Variants in USP15 observed in about 807,000 individuals in gnomAD.
USP15 encodes the protein ubiquitin specific peptidase 15.
In USP15, 18 loss-of-function variants were observed where a neutral mutation model predicts 127.1. That is an observed-to-expected ratio of 0.14 (90% CI 0.10 to 0.21). The LOEUF (loss-of-function observed/expected upper bound fraction) is 0.21. USP15 is among the 10% of genes least tolerant of loss of function. The probability of loss-of-function intolerance (pLI) is 1.00; values close to 1 mark genes in which losing one functional copy is unlikely to be tolerated. For synonymous variants in USP15, 364 were observed against 393.7 expected (o/e 0.92, Z 0.89); for missense variants, 805 against 1,159.9 (o/e 0.69, Z 4.44).
chr12:62,325,228 T>G lies in USP15; in HGVS notation c.622-644T>G, dbSNP rs144416849. Among the ~76,000 whole-genome samples, 17 of 152,162 alleles carry G rather than the reference T, an allele frequency of 1.1e-4. No individual in the cohort carries two copies. In the East Asian group the frequency reaches 3.1e-3, roughly 28 times the overall value. On this transcript the variant is annotated intron_variant, in intron 5 of 21. Transcript: ENST00000280377. ...CTCTCCCTAAGCCTATACTTTTTATTTATTAGAGGTGATTTCTGTCTGCCT... is the reference window on the plus strand; with the variant it reads ...CTCTCCCTAAGCCTATACTTTTTATGTATTAGAGGTGATTTCTGTCTGCCT...
chr12:62,395,899 A>G (rs962478836), intron 19 of USP15, among the ~76,000 whole-genome samples: 1 of 151,964 alleles, frequency 6.6e-6, no homozygotes, highest in Admixed American at 6.6e-5. Context: ...TTATCTGTTG[A>G]TAGACACTTA....
At chr12:62,342,628 T>TG (rs1244955565) in intron 6 of USP15, among the ~76,000 whole-genome samples, 1 of 152,102 alleles carries the variant, frequency 6.6e-6, no homozygotes, top group Non-Finnish European at 1.5e-5. Context: ...GCTTTCTGCT[T>TG]GTTTGTTTTT....
chr12:62,274,107 T>A (rs1251977495), intron 1 of USP15: 1 of 152,116 alleles, frequency 6.6e-6, no homozygotes, highest in African/African-American at 2.4e-5. Context: ...CTTTAGAGTC[T>A]GAAAACTAGA....
At chr12:62,363,178 A>G (rs547031490) in intron 8 of USP15, among the ~76,000 whole-genome samples, 2 of 152,226 alleles carry the variant, frequency 1.3e-5, no homozygotes, top group East Asian at 3.9e-4. Flanking sequence ...CTTTGCTTCT[A>G]TCCTTACCCT....
In USP15 at chr12:62,405,171, T is replaced by G. The variant is rs2067826886; in HGVS notation, c.*796T>G. The G allele has an allele frequency of 6.6e-6, 1 of 152,134 alleles. No homozygotes were observed. The highest frequency in any genetic ancestry group is 6.6e-5 in the Admixed American group (1 of 15,262). 9.4% of individuals were successfully genotyped at this position (152,134 alleles called of 1,614,324 possible). A position where few individuals can be genotyped will look rare whatever the true frequency, so the allele number is the denominator to read the frequency against. On this transcript the variant is annotated 3_prime_UTR_variant, in exon 22 of 22. Coordinates refer to ENST00000280377, the MANE Select transcript of USP15 (RefSeq NM_001252078.2). The stretch of plus-strand genomic sequence containing the variant: ...CTTTAATTGGGTGTTGGTCCAAAAT[T>G]AAAATTTTTGCTGTCTGTTTTTCTC...
chr12:62,295,602 T>G (rs1254312483), intron 2 of USP15, among the ~76,000 whole-genome samples: 1 of 152,054 alleles, frequency 6.6e-6, no homozygotes, highest in African/African-American at 2.4e-5. Flanking sequence ...TGGAAAAAAT[T>G]AATAAAGAAC....
chr12:62,290,280 G>A (rs896623456), intron 1 of USP15, among the ~76,000 whole-genome samples: 6 of 152,122 alleles, frequency 3.9e-5, no homozygotes, highest in African/African-American at 1.4e-4. Context: ...TTAGTTTTAT[G>A]AATCTGGGTT....
chr12:62,362,038 C>T (rs183740633), intron 8 of USP15, among the ~76,000 whole-genome samples: 2 of 152,020 alleles, frequency 1.3e-5, no homozygotes, highest in East Asian at 1.9e-4. Context: ...TTGTTTTTCA[C>T]TTAATTTTCT....
chr12:62,378,134 G>C (rs759990647), intron 8 of USP15, among the ~76,000 whole-genome samples: 1 of 152,090 alleles, frequency 6.6e-6, no homozygotes, highest in Non-Finnish European at 1.5e-5. Context: ...TTGAACTCGG[G>C]AGGTGGAGGT....
At chr12:62,283,978 A>AG (rs1220162131) in intron 1 of USP15, among the ~76,000 whole-genome samples, 2 of 152,188 alleles carry the variant, frequency 1.3e-5, no homozygotes, top group African/African-American at 4.8e-5. Flanking sequence ...CTATGCATCA[A>AG]CTACAAGCAG....
intron 5 of USP15, among the ~76,000 whole-genome samples, chr12:62,322,155 T>C (rs1205756643): frequency 6.6e-6 from 1 of 152,132 alleles, no homozygotes; most frequent in African/African-American, 2.4e-5. Flanking sequence ...TGAGACGGAG[T>C]CTCACTCTGT....
At chr12:62,272,659 C>G (rs879381999) in intron 1 of USP15, among the ~76,000 whole-genome samples, 5 of 151,928 alleles carry the variant, frequency 3.3e-5, no homozygotes, top group Non-Finnish European at 5.9e-5. Flanking sequence ...AACTCCAAAA[C>G]CTTTTACATT....
At chr12:62,360,916 TGTCAAATGACAACTCA>T (rs1255032510) in intron 8 of USP15, among the ~76,000 whole-genome samples, 2 of 151,962 alleles carry the variant, frequency 1.3e-5, no homozygotes, top group Middle Eastern at 3.4e-3. Context: ...TTCAATCCTC[TGTCAAATGACAACTCA>T]GTCAGGTCAT....
At chr12:62,269,554 G>A (rs1477299265) in intron 1 of USP15, among the ~76,000 whole-genome samples, 1 of 151,906 alleles carries the variant, frequency 6.6e-6, no homozygotes, top group Non-Finnish European at 1.5e-5. Flanking sequence ...AATTAGCTAG[G>A]ACTACAGGCA....
At chr12:62,365,251 T>C (rs1262317748) in intron 8 of USP15, among the ~76,000 whole-genome samples, 1 of 152,188 alleles carries the variant, frequency 6.6e-6, no homozygotes, top group African/African-American at 2.4e-5. Context: ...CCATTCTAAC[T>C]GGTATATGAG....
intron 8 of USP15, chr12:62,374,685 T>A: frequency 2.8e-6 from 2 of 706,728 alleles, no homozygotes; most frequent in Non-Finnish European, 3.5e-6. Flanking sequence ...ATGTAGAAAT[T>A]TAGCAAAATA....
At chr12:62,287,594 G>GT (rs2063822980) in intron 1 of USP15, among the ~76,000 whole-genome samples, 1 of 151,916 alleles carries the variant, frequency 6.6e-6, no homozygotes, top group South Asian at 2.1e-4. Context: ...GTCTATTTTT[G>GT]TTTTTTGTTG....
intron 8 of USP15, among the ~76,000 whole-genome samples, chr12:62,362,387 A>G (rs1371853594): frequency 1.3e-5 from 2 of 151,768 alleles, no homozygotes; most frequent in African/African-American, 4.9e-5. Flanking sequence ...ATTAAGTAGC[A>G]TTAATGTTGT....
intron 2 of USP15, among the ~76,000 whole-genome samples, chr12:62,301,515 T>G (rs1294998138): frequency 6.6e-6 from 1 of 152,082 alleles, no homozygotes; most frequent in Non-Finnish European, 1.5e-5. Context: ...TTAAAAGAAA[T>G]TAAGTATTGA....
Sources: gnomAD v4.1 joint callset for allele counts (sites outside exome capture counted in the v4.1 genomes callset) on GRCh38, gnomAD v4.1.1 for gene constraint, MANE v1.5 for transcripts, NCBI Gene and HGNC (gene_info 2026-07-23, HGNC 2026-07-21) for gene names.